Variants in PCDHA9 observed in about 807,000 individuals in gnomAD.
PCDHA9 encodes protocadherin alpha 9.
A neutral mutation model predicts 62.0 loss-of-function variants in PCDHA9; 62 were observed. That is an observed-to-expected ratio of 1.00 (90% CI 0.81 to 1.23). The LOEUF (loss-of-function observed/expected upper bound fraction) is 1.23, where lower values mean the gene tolerates loss of function less well. Ranked by LOEUF, PCDHA9 falls within the 50% of genes most tolerant of loss-of-function variation. The pLI is 0.00. For missense variants in PCDHA9, 1,205 were observed against 1,249.8 expected, an observed-to-expected ratio of 0.96 and a Z score of 0.54; for synonymous variants, 557 against 567.6, an observed-to-expected ratio of 0.98 and a Z score of 0.27.
rs1210767626 is a variant in PCDHA9 at position 141,010,197 on chromosome 5, C to G, written c.*260C>G. 83 of 1,552,082 alleles carry G rather than the reference C, an allele frequency of 5.3e-5. No homozygotes were observed. Among genetic ancestry groups the G allele is most frequent in the Non-Finnish European group, 6.6e-5 (76 of 1,147,118 alleles). On this transcript the variant is annotated 3_prime_UTR_variant, in exon 4 of 4. Coordinates refer to ENST00000532602, the MANE Select transcript of PCDHA9 (RefSeq NM_031857.2). ...AAAAGCAGACCCAAGTTTCCTTTCT[C>G]CTCCGCCGCAAAGGAGAGGCTTCCC...
intron 1 of PCDHA9, chr5:140,867,940 ACTT>A (rs2050206930): frequency 6.6e-6 from 1 of 152,110 alleles, no homozygotes; most frequent in African/African-American, 2.4e-5. Flanking sequence ...TTTTCCATGA[ACTT>A]CTGCTCCCAA....
chr5:140,955,889 GT>G (rs1305358742), intron 1 of PCDHA9, among the ~76,000 whole-genome samples: 2 of 151,880 alleles, frequency 1.3e-5, no homozygotes, highest in Non-Finnish European at 2.9e-5. Flanking sequence ...ATTCCTAGGT[GT>G]TTTATTCTCT....
chr5:140,866,320 C>T (rs1351694984), intron 1 of PCDHA9: 2 of 152,154 alleles, frequency 1.3e-5, no homozygotes, highest in African/African-American at 2.4e-5. Context: ...ATTTCAGGGA[C>T]CCTGAACTTG....
chr5:140,981,943 G>A (rs1207723761), intron 2 of PCDHA9, among the ~76,000 whole-genome samples: 2 of 152,116 alleles, frequency 1.3e-5, no homozygotes, highest in Non-Finnish European at 2.9e-5. Flanking sequence ...GGAAATATAG[G>A]GTGGGTCATC....
chr5:140,898,275 T>C (rs13181478), intron 1 of PCDHA9, among the ~76,000 whole-genome samples: 1 of 152,166 alleles, frequency 6.6e-6, no homozygotes, highest in Non-Finnish European at 1.5e-5. Context: ...ATGCCTAAGT[T>C]CTGAATGGTA....
At chr5:140,930,420 A>T (rs996872425) in intron 1 of PCDHA9, 2 of 151,962 alleles carry the variant, frequency 1.3e-5, no homozygotes, top group Non-Finnish European at 2.9e-5. Context: ...CAGGGGTCTC[A>T]CTATGTTGCC....
chr5:140,951,413 C>T (rs1206149734), intron 1 of PCDHA9, among the ~76,000 whole-genome samples: 1 of 152,028 alleles, frequency 6.6e-6, no homozygotes, highest in African/African-American at 2.4e-5. Context: ...GTTTAATTGG[C>T]TCACAGTTCC....
At chr5:140,964,567 A>G (rs2095840776) in intron 1 of PCDHA9, among the ~76,000 whole-genome samples, 1 of 152,080 alleles carries the variant, frequency 6.6e-6, no homozygotes. Context: ...GGCTGGGAGG[A>G]GATAAGGGGA....
At chr5:140,938,709 T>C (rs1473474040) in intron 1 of PCDHA9, among the ~76,000 whole-genome samples, 2 of 152,176 alleles carry the variant, frequency 1.3e-5, no homozygotes, top group African/African-American at 2.4e-5. Context: ...ATGTTTATGA[T>C]AGAAACGCGT....
Position 140,968,026 on chromosome 5 carries a change from A to G in PCDHA9, c.2395-10923A>G, listed in dbSNP as rs570318168. 9.3e-6 allele frequency: 15 copies of G among 1,614,066 alleles called. No individual in the cohort carries two copies. In the Admixed American group the frequency reaches 1.8e-4, roughly 20 times the overall value. On this transcript the variant is annotated intron_variant, in intron 1 of 3. Transcript: ENST00000532602. ...TGAATGGCTTTGGAAACTCCTATACACTGGTGGTGAGCGGCCCACTGGACC... is the reference window on the plus strand; with the variant it reads ...TGAATGGCTTTGGAAACTCCTATACGCTGGTGGTGAGCGGCCCACTGGACC...
At chr5:140,915,732 G>A (rs1454734995) in intron 1 of PCDHA9, among the ~76,000 whole-genome samples, 2 of 151,870 alleles carry the variant, frequency 1.3e-5, no homozygotes, top group East Asian at 3.9e-4. Flanking sequence ...ATTGTGCTGG[G>A]TCAGACCTAT....
chr5:140,853,887 A>T lies in PCDHA9; in HGVS notation c.2394+2998A>T, dbSNP rs945674058. ...TGACAGTGCAAGTTTCTGTAATTTAAAAAGATGTGGTGGCCTGACACCTGC... is the reference window on the plus strand; with the variant it reads ...TGACAGTGCAAGTTTCTGTAATTTATAAAGATGTGGTGGCCTGACACCTGC... On this transcript the variant is annotated intron_variant, in intron 1 of 3. Transcript: ENST00000532602. 4 of 979,374 alleles carry T rather than the reference A, an allele frequency of 4.1e-6. 1 individual carries two copies. The Admixed American group carries it at 1.9e-4, about 46-fold the overall frequency. 60.7% of individuals were successfully genotyped at this position (979,374 alleles called of 1,614,324 possible).
chr5:140,940,844 T>C (rs942965203), intron 1 of PCDHA9, among the ~76,000 whole-genome samples: 1 of 152,228 alleles, frequency 6.6e-6, no homozygotes. Flanking sequence ...TTCTTCACGA[T>C]AGATTTTTAT....
At position 140,981,056 on chromosome 5, in the gene PCDHA9, G is replaced by A. The variant is rs571113984; in HGVS notation, c.2454-1419G>A. 1.5e-3 allele frequency among the ~76,000 whole-genome samples: 227 copies of A among 152,276 alleles called. 1 individual carries two copies. Among genetic ancestry groups the A allele is most frequent in the African/African-American group, 5.2e-3 (217 of 41,556 alleles). ...GGGAAAAAAAACAGATAATTCTAGA[G>A]TGTAGACAAGGGGAAGAATAGTAAA... On this transcript the variant is annotated intron_variant, in intron 2 of 3. Transcript: ENST00000532602.
chr5:140,871,027 C>T (rs1554164992), intron 1 of PCDHA9: 1 of 1,613,114 alleles, frequency 6.2e-7, no homozygotes, highest in African/African-American at 1.3e-5. Context: ...GGCAGACTCG[C>T]CGCGCCACCG....
At chr5:140,983,299 A>T (rs1554245269) in intron 3 of PCDHA9, among the ~76,000 whole-genome samples, 1 of 152,186 alleles carries the variant, frequency 6.6e-6, no homozygotes. Flanking sequence ...GCTTAAACTC[A>T]CATTTGCTTG....
chr5:140,855,791 A>T, intron 1 of PCDHA9: 1 of 446,278 alleles, frequency 2.2e-6, no homozygotes, highest in Non-Finnish European at 4.0e-6. Flanking sequence ...AAAAAGAATT[A>T]ACATATGAAT....
chr5:140,977,247 A>G (rs528974727), intron 1 of PCDHA9, among the ~76,000 whole-genome samples: 1 of 152,336 alleles, frequency 6.6e-6, no homozygotes, highest in African/African-American at 2.4e-5. Context: ...AATTGGCAAC[A>G]TTTCTCAGCA....
At chr5:140,966,030 A>C (rs1554227994) in intron 1 of PCDHA9, among the ~76,000 whole-genome samples, 4 of 152,164 alleles carry the variant, frequency 2.6e-5, no homozygotes, top group Admixed American at 6.5e-5. Context: ...AGTCAGGTGA[A>C]TAGTTCCCAT....
Sources: gnomAD v4.1 joint callset for allele counts (sites outside exome capture counted in the v4.1 genomes callset) on GRCh38, gnomAD v4.1.1 for gene constraint, MANE v1.5 for transcripts, NCBI Gene and HGNC (gene_info 2026-07-23, HGNC 2026-07-21) for gene names.